Variants in SMCR8 observed in about 807,000 individuals in gnomAD.
The protein encoded by SMCR8 is SMCR8-C9orf72 complex subunit, also known as guanine nucleotide exchange protein SMCR8.
In SMCR8, 30 loss-of-function variants were observed where a neutral mutation model predicts 56.6. That is an observed-to-expected ratio of 0.53 (90% CI 0.40 to 0.72). The LOEUF (loss-of-function observed/expected upper bound fraction) is 0.72, where lower values mean the gene tolerates loss of function less well. Among genes scored for constraint, SMCR8 ranks in the 30% least tolerant of loss-of-function variants. The pLI, the probability that SMCR8 is intolerant of heterozygous loss-of-function variation, is 0.00. For synonymous variants in SMCR8, 538 were observed against 456.0 expected (o/e 1.18, Z -2.29); for missense variants, 1,198 against 1,157.0 (o/e 1.04, Z -0.51).
chr17:18,323,452 C>T lies in SMCR8; in HGVS notation c.*382C>T, dbSNP rs534127460. The T allele has an allele frequency of 3.5e-4, 75 of 213,764 alleles. No individual in the cohort carries two copies. The highest frequency in any genetic ancestry group is 5.8e-4 in the Non-Finnish European group (61 of 105,204). The allele number at this position is 213,764 out of a possible 1,614,324, so 13.2% of individuals were successfully genotyped here. A position where few individuals can be genotyped will look rare whatever the true frequency, so the allele number is the denominator to read the frequency against. On this transcript the variant is annotated 3_prime_UTR_variant, in exon 2 of 2. Coordinates refer to ENST00000406438, the MANE Select transcript of SMCR8 (RefSeq NM_144775.3). Reference sequence around the variant, plus strand: ...GCACACTGGCTGTATTCAGCATTGCCGGACACTTGAGTGGCAAAATGAACG... The same window carrying T: ...GCACACTGGCTGTATTCAGCATTGCTGGACACTTGAGTGGCAAAATGAACG...
rs769647452 is a variant in SMCR8, at chr17:18,317,596, C to T, written c.1807C>T (p.His603Tyr). ...GTTGGTGCTGCCCTCCACTCCAGCCCACACACACTCTGACGAGGATGGGGT... is the reference window on the plus strand; with the variant it reads ...GTTGGTGCTGCCCTCCACTCCAGCCTACACACACTCTGACGAGGATGGGGT... ...GQLVLPSTPAHTHSDEDGVVS... is the reference protein window; with the variant it reads ...GQLVLPSTPAYTHSDEDGVVS... Residue 603 changes from histidine to tyrosine, a missense_variant, in exon 1 of 2, where the codon CAC (histidine) becomes TAC (tyrosine). By Grantham distance (83) the His-to-Tyr change is moderately conservative. Coordinates refer to ENST00000406438, the MANE Select transcript of SMCR8 (RefSeq NM_144775.3). 6.2e-7 allele frequency: 1 copy of T among 1,614,174 alleles called. No individual in the cohort carries two copies. The highest frequency in any genetic ancestry group is 8.5e-7 in the Non-Finnish European group (1 of 1,180,044).
In SMCR8 at chr17:18,317,485, C is replaced by G; in HGVS notation, c.1696C>G (p.Leu566Val). The change falls in exon 1 of 2, where the codon CTG becomes GTG. Residue 566 changes from leucine to valine, a missense_variant. Coordinates refer to ENST00000406438, the MANE Select transcript of SMCR8 (RefSeq NM_144775.3). ...RFQASISPPE[L>V]GETEEGSIEN... ...CCAGGCAAGCATCAGTCCTCCAGAA[C>G]TGGGTGAGACAGAGGAAGGCAGCAT... is the stretch of plus-strand genomic sequence containing the variant. 1 of 1,614,088 alleles carries G rather than the reference C, an allele frequency of 6.2e-7. No homozygotes were observed. Among genetic ancestry groups the G allele is most frequent in the Non-Finnish European group, 8.5e-7 (1 of 1,180,032 alleles).
rs1161305015 is a variant in SMCR8 at position 18,326,572 on chromosome 17, T to C, written c.*3502T>C. The C allele has an allele frequency of 6.6e-6, 1 of 152,276 alleles. No individual in the cohort carries two copies. The highest frequency in any genetic ancestry group is 6.5e-5 in the Admixed American group (1 of 15,286). 9.4% of individuals were successfully genotyped at this position (152,276 alleles called of 1,614,324 possible). On this transcript the variant is annotated 3_prime_UTR_variant, in exon 2 of 2. Coordinates refer to ENST00000406438, the MANE Select transcript of SMCR8 (RefSeq NM_144775.3). ...CTTACCTTTCATTCCCCATCTGGCCTTTACCTTCTTTGCTTCAGTGGTTGA... is the reference window on the plus strand; with the variant it reads ...CTTACCTTTCATTCCCCATCTGGCCCTTACCTTCTTTGCTTCAGTGGTTGA...
chr17:18,321,532 C>T (rs6502646), intron 1 of SMCR8, among the ~76,000 whole-genome samples: 1 of 152,106 alleles, frequency 6.6e-6, no homozygotes, highest in Non-Finnish European at 1.5e-5. Context: ...CCACAGCGAC[C>T]CCATGAGGGA....
rs1262100473 is a variant in SMCR8, at chr17:18,325,618, A to AG, written c.*2549dup. ...GGATCTTGACGTGGTACCAGGACTG[A>AG]GTCATGATTTGGGCAGAGGCAGTTA... On this transcript the variant is annotated 3_prime_UTR_variant, in exon 2 of 2. Coordinates refer to ENST00000406438, the MANE Select transcript of SMCR8 (RefSeq NM_144775.3). 1 of 152,342 alleles carries AG rather than the reference A, an allele frequency of 6.6e-6. No homozygotes were observed. Among genetic ancestry groups the AG allele is most frequent in the Non-Finnish European group, 1.5e-5 (1 of 68,024 alleles). The allele number at this position is 152,342 out of a possible 1,614,324, so 9.4% of individuals were successfully genotyped here. A position where few individuals can be genotyped will look rare whatever the true frequency, so the allele number is the denominator to read the frequency against.
chr17:18,317,283 C>T lies in SMCR8; in HGVS notation c.1494C>T (p.Ser498=), dbSNP rs1982341565. 4.3e-6 allele frequency: 7 copies of T among 1,614,056 alleles called. No individual in the cohort carries two copies. The highest frequency in any genetic ancestry group is 1.6e-4 in the Middle Eastern group (1 of 6,062). ...AGGCAAGCCTCACAGTACCATTGAG[C>T]CCCCAGGTGGTCCGGAGCAAAGCAG... ...DSQASLTVPL[S]PQVVRSKAVS... is the part of the protein sequence containing the mutation. The change falls in exon 1 of 2, where the codon AGC becomes AGT. Residue 498 remains serine, a synonymous_variant. Transcript: ENST00000406438.
rs540934709 is a variant in SMCR8 at position 18,317,423 on chromosome 17, A to G, written c.1634A>G (p.Glu545Gly). ...TACCCAAGTGCCATTAATGAAGAAG[A>G]ATCATATCCAGATGGCAATGAAGGA... Reference protein sequence around the residue: ...ASYPSAINEEESYPDGNEGAI... With the variant: ...ASYPSAINEEGSYPDGNEGAI... The change falls in exon 1 of 2, where the codon GAA becomes GGA. Residue 545 changes from glutamate to glycine, a missense_variant. Transcript: ENST00000406438. The G allele has an allele frequency of 4.3e-6, 7 of 1,614,120 alleles. No individual in the cohort carries two copies. In the South Asian group the frequency reaches 7.7e-5, roughly 18 times the overall value.
Position 18,315,900 on chromosome 17 carries a change from C to T in SMCR8, c.111C>T (p.Phe37=). ...PEEYSVPLFP[F]ASQGANPWSK... ...AGTACTCGGTGCCGCTCTTCCCCTTCGCCAGTCAGGGTGCTAACCCCTGGT... is the reference window on the plus strand; with the variant it reads ...AGTACTCGGTGCCGCTCTTCCCCTTTGCCAGTCAGGGTGCTAACCCCTGGT... The change falls in exon 1 of 2, where the codon TTC becomes TTT. Residue 37 remains phenylalanine, a synonymous_variant. Transcript: ENST00000406438. 1.2e-6 allele frequency: 2 copies of T among 1,614,178 alleles called. No homozygotes were observed. Among genetic ancestry groups the T allele is most frequent in the Non-Finnish European group, 1.7e-6 (2 of 1,180,008 alleles).
intron 1 of SMCR8, among the ~76,000 whole-genome samples, chr17:18,320,627 A>G (rs1182255830): frequency 1.3e-5 from 2 of 152,184 alleles, no homozygotes; most frequent in Middle Eastern, 3.2e-3. Context: ...CCCGGAACAC[A>G]GGGGCCATGC....
rs1236965288 is a variant in SMCR8 at position 18,325,709 on chromosome 17, C to G, written c.*2639C>G. The G allele has an allele frequency of 1.3e-5, 2 of 152,254 alleles. No homozygotes were observed. The highest frequency in any genetic ancestry group is 2.9e-5 in the Non-Finnish European group (2 of 68,066). 9.4% of individuals were successfully genotyped at this position (152,254 alleles called of 1,614,324 possible). On this transcript the variant is annotated 3_prime_UTR_variant, in exon 2 of 2. Coordinates refer to ENST00000406438, the MANE Select transcript of SMCR8 (RefSeq NM_144775.3). ...CGGGGAACTGAAACCTACTCTGAGT[C>G]TCACATCTCTAAACCTCAGTGCTGA...
At chr17:18,321,508 A>C (rs778388732) in intron 1 of SMCR8, among the ~76,000 whole-genome samples, 1 of 152,256 alleles carries the variant, frequency 6.6e-6, no homozygotes. Flanking sequence ...TCCTAAGCAC[A>C]ACTCATTTTG....
At chr17:18,321,099 G>T (rs1304297690) in intron 1 of SMCR8, among the ~76,000 whole-genome samples, 2 of 152,230 alleles carry the variant, frequency 1.3e-5, no homozygotes, top group Non-Finnish European at 2.9e-5. Flanking sequence ...GTAAATGATT[G>T]TTAAATATAC....
rs975819611 is a variant in SMCR8, at chr17:18,316,044, T to A, written c.255T>A (p.Phe85Leu). 1 of 1,614,134 alleles carries A rather than the reference T, an allele frequency of 6.2e-7. No individual in the cohort carries two copies. The highest frequency in any genetic ancestry group is 1.3e-5 in the African/African-American group (1 of 75,044). The change falls in exon 1 of 2, where the codon TTT (phenylalanine) becomes TTA (leucine). Residue 85 changes from phenylalanine (F) to leucine (L), a missense_variant. Transcript: ENST00000406438. The part of the protein sequence containing the change: ...IPNDTKVFGT[F>L]DLNYFSLRIM... ...ATGACACCAAAGTTTTTGGCACTTT[T>A]GATCTCAATTACTTCTCCCTGCGTA...
In SMCR8 at chr17:18,316,895, A is replaced by C. The variant is rs770906852; in HGVS notation, c.1106A>C (p.Asn369Thr). The C allele has an allele frequency of 1.2e-6, 2 of 1,614,158 alleles. No homozygotes were observed. Among genetic ancestry groups the C allele is most frequent in the Non-Finnish European group, 1.7e-6 (2 of 1,180,018 alleles). Reference protein sequence around the residue: ...RALLKQQHITNFLFEDFVEVD... With the variant: ...RALLKQQHITTFLFEDFVEVD... ...CTTCTAAAACAACAGCATATAACAA[A>C]CTTTCTCTTTGAAGACTTTGTGGAG... is the stretch of plus-strand genomic sequence containing the variant. Residue 369 changes from asparagine to threonine, a missense_variant, in exon 1 of 2, where the codon AAC becomes ACC. By Grantham distance (65) the Asn-to-Thr change is moderately conservative. Coordinates refer to ENST00000406438, the MANE Select transcript of SMCR8 (RefSeq NM_144775.3).
At position 18,317,036 on chromosome 17, in the gene SMCR8, G is replaced by A. The variant is rs1364045866; in HGVS notation, c.1247G>A (p.Gly416Asp). The change falls in exon 1 of 2, where the codon GGT becomes GAT. Residue 416 changes from glycine to aspartate, a missense_variant. Coordinates refer to ENST00000406438, the MANE Select transcript of SMCR8 (RefSeq NM_144775.3). ...CPIPKVLISV[G>D]SYKSSVESVL... ...ATTCCTAAAGTGTTAATTAGTGTTG[G>A]TTCTTACAAGTCCAGTGTGGAGTCT... is the stretch of plus-strand genomic sequence containing the variant. The A allele has an allele frequency of 6.8e-6, 11 of 1,614,172 alleles. No individual in the cohort carries two copies. The highest frequency in any genetic ancestry group is 7.6e-6 in the Non-Finnish European group (9 of 1,180,032).
Position 18,317,061 on chromosome 17 carries a change from T to C in SMCR8, c.1272T>C (p.Ser424=). The change falls in exon 1 of 2, where the codon TCT becomes TCC. Residue 424 remains serine, a synonymous_variant. Coordinates refer to ENST00000406438, the MANE Select transcript of SMCR8 (RefSeq NM_144775.3). ...GTTCTTACAAGTCCAGTGTGGAGTC[T>C]GTGTTGATCAAGATGGAGCAGGAAC... ...SVGSYKSSVE[S]VLIKMEQELG... The C allele has an allele frequency of 1.2e-6, 2 of 1,614,178 alleles. No homozygotes were observed. The highest frequency in any genetic ancestry group is 1.7e-6 in the Non-Finnish European group (2 of 1,180,040).
Position 18,317,781 on chromosome 17 carries a change from T to C in SMCR8, c.1992T>C (p.Ser664=), listed in dbSNP as rs1167815121. The change falls in exon 1 of 2, where the codon AGT becomes AGC. Residue 664 remains serine (S), a synonymous_variant. Coordinates refer to ENST00000406438, the MANE Select transcript of SMCR8 (RefSeq NM_144775.3). ...ACCTGCTGGCTAGCCGGGACATCAG[T>C]AAGACCAGCCTGGACAACTACTCAG... ...PSHLLASRDI[S]KTSLDNYSDT... The C allele has an allele frequency of 1.2e-6, 2 of 1,614,130 alleles. No homozygotes were observed. Among genetic ancestry groups the C allele is most frequent in the Non-Finnish European group, 1.7e-6 (2 of 1,180,028 alleles).
Position 18,316,653 on chromosome 17 carries a change from TGA to T in SMCR8, c.866_867del (p.Glu289ValfsTer27). 3 of 1,614,212 alleles carry T rather than the reference TGA, an allele frequency of 1.9e-6. No individual in the cohort carries two copies. Among genetic ancestry groups the T allele is most frequent in the Non-Finnish European group, 2.5e-6 (3 of 1,180,028 alleles). On this transcript the variant is annotated frameshift_variant, in exon 1 of 2. Coordinates refer to ENST00000406438, the MANE Select transcript of SMCR8 (RefSeq NM_144775.3). LOFTEE classifies it high-confidence loss of function. ...AGGCATCCACTACCTCTAACCCTGATGAGTCTGCCGACACAGACCTTTACACC... is the reference window on the plus strand; with the variant it reads ...AGGCATCCACTACCTCTAACCCTGATGTCTGCCGACACAGACCTTTACACC... ...SQASTTSNPD[E>X]SADTDLYTCR...
Position 18,317,970 on chromosome 17 carries a change from G to C in SMCR8, c.2181G>C (p.Leu727=), listed in dbSNP as rs150697907. 45 of 1,614,092 alleles carry C rather than the reference G, an allele frequency of 2.8e-5. 1 individual carries two copies. The highest frequency in any genetic ancestry group is 3.7e-5 in the Non-Finnish European group (44 of 1,180,050). The part of the protein sequence containing the change: ...YPFAHPAIYS[L]LSGRTLVVLG... ...TTGCCCACCCAGCCATCTACTCCCTGCTCAGTGGGAGGACACTTGTGGTCC... is the reference window on the plus strand; with the variant it reads ...TTGCCCACCCAGCCATCTACTCCCTCCTCAGTGGGAGGACACTTGTGGTCC... Residue 727 remains leucine (L), a synonymous_variant, in exon 1 of 2, where the codon CTG becomes CTC. Coordinates refer to ENST00000406438, the MANE Select transcript of SMCR8 (RefSeq NM_144775.3).
Sources: allele counts gnomAD v4.1 joint callset (sites outside exome capture counted in the v4.1 genomes callset), GRCh38; gene constraint gnomAD v4.1.1; transcripts MANE v1.5; gene names NCBI Gene and HGNC (gene_info 2026-07-23, HGNC 2026-07-21).